PCSK6: variants seen among roughly 807,000 people sequenced by gnomAD.
PCSK6 encodes proprotein convertase subtilisin/kexin type 6.
In PCSK6, 85 loss-of-function variants were observed where a neutral mutation model predicts 123.3. The observed-to-expected ratio is 0.69, with a 90% confidence interval of 0.58 to 0.83. The LOEUF (loss-of-function observed/expected upper bound fraction) is 0.83. Ranked by LOEUF, PCSK6 falls within the 40% of genes least tolerant of loss-of-function variation. The probability of loss-of-function intolerance (pLI) is 0.00; values close to 1 mark genes in which losing one functional copy is unlikely to be tolerated. For missense variants in PCSK6, 1,191 were observed against 1,282.3 expected (o/e 0.93, Z 1.09); for synonymous variants, 508 against 516.0 (o/e 0.98, Z 0.21).
chr15:101,350,065 T>C (rs1450322610), intron 13 of PCSK6, among the ~76,000 whole-genome samples: 2 of 152,032 alleles, frequency 1.3e-5, no homozygotes, highest in Non-Finnish European at 2.9e-5. Context: ...CACGCCACCA[T>C]GCCCGGCTAA....
intron 20 of PCSK6, chr15:101,312,990 G>A: frequency 8.6e-7 from 1 of 1,156,268 alleles, no homozygotes; most frequent in Non-Finnish European, 1.1e-6. Flanking sequence ...GGGCGACAGA[G>A]TGAGAGTGTG....
At chr15:101,375,249 G>A (rs765269610) in intron 11 of PCSK6, among the ~76,000 whole-genome samples, 3 of 152,100 alleles carry the variant, frequency 2.0e-5, no homozygotes, top group Non-Finnish European at 2.9e-5. Context: ...CACGGCGCCC[G>A]GCCAAAATTA....
intron 1 of PCSK6, among the ~76,000 whole-genome samples, chr15:101,474,852 T>C (rs2057691651): frequency 6.6e-6 from 1 of 152,176 alleles, no homozygotes; most frequent in Non-Finnish European, 1.5e-5. Flanking sequence ...CCCGGGTACC[T>C]CAACACCCTC....
At position 101,398,514 on chromosome 15, in the gene PCSK6, G is replaced by C. The variant is rs369811682; in HGVS notation, c.886C>G (p.Pro296Ala). ...VVEAKSLGIR[P>A]NYIDIYSASW... ...GCACTGTAAATGTCGATGTAGTTGGGTCTGATGCCCAGCGACTTTGCCTCG... is the reference window on the plus strand; with the variant it reads ...GCACTGTAAATGTCGATGTAGTTGGCTCTGATGCCCAGCGACTTTGCCTCG... The change falls in exon 7 of 22, where the codon CCC becomes GCC. Residue 296 changes from proline (P) to alanine (A), a missense_variant. Transcript: ENST00000611716. The surrounding 1 kb of genome is among the most constrained non-coding windows in gnomAD (Gnocchi z 4.6). 6.2e-7 allele frequency: 1 copy of C among 1,613,800 alleles called. No individual in the cohort carries two copies. The highest frequency in any genetic ancestry group is 1.3e-5 in the African/African-American group (1 of 74,944).
chr15:101,428,655 G>C (rs1293387925), intron 5 of PCSK6, among the ~76,000 whole-genome samples: 3 of 152,224 alleles, frequency 2.0e-5, no homozygotes, highest in Non-Finnish European at 4.4e-5. Context: ...CCTCCAGCGG[G>C]GGCCAAAATA....
intron 6 of PCSK6, among the ~76,000 whole-genome samples, chr15:101,413,021 G>GAGGAGGAGT (rs2055755785): frequency 6.9e-6 from 1 of 144,644 alleles, no homozygotes; most frequent in Non-Finnish European, 1.5e-5. Flanking sequence ...GGAGGAGGAG[G>GAGGAGGAGT]AGGAGGAGGA....
chr15:101,443,684 C>T lies in PCSK6; in HGVS notation c.298-24G>A, dbSNP rs775375167. The T allele has an allele frequency of 1.2e-5, 19 of 1,543,060 alleles. 1 individual carries two copies. The South Asian group carries it at 2.0e-4, about 16-fold the overall frequency. ...ATCTGCAAGACAAGAAGCAGAATGC[C>T]ATCAATTAATAGTCTCACGAACAGC... is the stretch of plus-strand genomic sequence containing the variant. On this transcript the variant is annotated intron_variant, in intron 1 of 21. Transcript: ENST00000611716.
chr15:101,477,171 T>C (rs967329557), intron 1 of PCSK6, among the ~76,000 whole-genome samples: 5 of 152,208 alleles, frequency 3.3e-5, no homozygotes, highest in African/African-American at 9.7e-5. Flanking sequence ...AGAAGACTTA[T>C]TGACGTGGGA....
chr15:101,413,909 TA>T lies in PCSK6; in HGVS notation c.823+13982del, dbSNP rs897304514. Among the ~76,000 whole-genome samples, 4 of 152,172 alleles carry T rather than the reference TA, an allele frequency of 2.6e-5. No individual in the cohort carries two copies. The South Asian group carries it at 8.3e-4, about 31-fold the overall frequency. On this transcript the variant is annotated intron_variant, in intron 6 of 21. Coordinates refer to ENST00000611716, the MANE Select transcript of PCSK6 (RefSeq NM_002570.5). ...ATTTTTATAAAAGAAAAATAAATTTTAAAAAATGGCCCAAATATATGTTATC... is the reference window on the plus strand; with the variant it reads ...ATTTTTATAAAAGAAAAATAAATTTTAAAAATGGCCCAAATATATGTTATC...
At chr15:101,422,504 T>C (rs905094544) in intron 6 of PCSK6, among the ~76,000 whole-genome samples, 4 of 152,262 alleles carry the variant, frequency 2.6e-5, no homozygotes, top group South Asian at 4.1e-4. Context: ...GTAAAGACCA[T>C]ATGCTAGGGC....
At chr15:101,385,466 C>T (rs1490018396) in intron 9 of PCSK6, among the ~76,000 whole-genome samples, 1 of 152,182 alleles carries the variant, frequency 6.6e-6, no homozygotes, top group East Asian at 1.9e-4. Context: ...AGTGTCATTT[C>T]CAGGTCTAAA....
rs368598539 is a variant in PCSK6, at chr15:101,307,337, T to C, written c.2700-12A>G. ...AGTTCTCGTCACACCTGTGGGAAGATACCGTTCCTGCTGAAGTCTGGGGAA... is the reference window on the plus strand; with the variant it reads ...AGTTCTCGTCACACCTGTGGGAAGACACCGTTCCTGCTGAAGTCTGGGGAA... On this transcript the variant is annotated splice_polypyrimidine_tract_variant and intron_variant, in intron 20 of 21. Coordinates refer to ENST00000611716, the MANE Select transcript of PCSK6 (RefSeq NM_002570.5). 3 of 1,600,276 alleles carry C rather than the reference T, an allele frequency of 1.9e-6. No homozygotes were observed. The highest frequency in any genetic ancestry group is 2.6e-6 in the Non-Finnish European group (3 of 1,170,102).
intron 13 of PCSK6, among the ~76,000 whole-genome samples, chr15:101,364,298 G>A (rs945856460): frequency 6.6e-6 from 1 of 152,180 alleles, no homozygotes; most frequent in Admixed American, 6.5e-5. Context: ...AGCACATTCT[G>A]TAAACGTTAC....
Position 101,438,219 on chromosome 15 carries a change from C to T in PCSK6, c.402+5337G>A, listed in dbSNP as rs1026156584. Among the ~76,000 whole-genome samples the T allele has an allele frequency of 4.6e-5, 7 of 152,236 alleles. No homozygotes were observed. The East Asian group carries it at 9.6e-4, about 21-fold the overall frequency. On this transcript the variant is annotated intron_variant, in intron 2 of 21. Transcript: ENST00000611716. ...AACTATGAGGTCCAACACTGCTCAA[C>T]GTGTCTGACATGCAGTCACTGTCTG... is the stretch of plus-strand genomic sequence containing the variant.
chr15:101,370,618 C>T (rs2041554482), intron 11 of PCSK6, 95 bp from the exon 12 acceptor site: 2 of 1,202,760 alleles, frequency 1.7e-6, no homozygotes, highest in Non-Finnish European at 2.2e-6. Flanking sequence ...TCTATCCCCA[C>T]TGCAGCCTCA....
intron 13 of PCSK6, among the ~76,000 whole-genome samples, chr15:101,334,898 A>G (rs2040443331): frequency 6.6e-6 from 1 of 152,196 alleles, no homozygotes; most frequent in Non-Finnish European, 1.5e-5. Flanking sequence ...GCTGGACTGG[A>G]ATGGAAGAGA....
intron 9 of PCSK6, among the ~76,000 whole-genome samples, chr15:101,387,826 CTA>C (rs2042111817): frequency 2.3e-5 from 1 of 43,286 alleles, no homozygotes; most frequent in South Asian, 7.0e-4. Context: ...CAGGCGAGAG[CTA>C]TCCCAGGCTA....
chr15:101,397,745 C>G (rs919669592), intron 7 of PCSK6, among the ~76,000 whole-genome samples: 2 of 152,272 alleles, frequency 1.3e-5, no homozygotes, highest in African/African-American at 2.4e-5. Context: ...ACCTCCTCCC[C>G]CTTCCTCAGC....
chr15:101,335,407 G>C (rs1488614462), intron 13 of PCSK6, among the ~76,000 whole-genome samples: 5 of 152,198 alleles, frequency 3.3e-5, no homozygotes, highest in African/African-American at 1.2e-4. Flanking sequence ...TCGGGGTTTT[G>C]ATTTTTGTCT....
Sources: allele counts gnomAD v4.1 joint callset (sites outside exome capture counted in the v4.1 genomes callset), GRCh38; gene constraint gnomAD v4.1.1; non-coding constraint Gnocchi (gnomAD v3.1); transcripts MANE v1.5; gene names NCBI Gene and HGNC (gene_info 2026-07-23, HGNC 2026-07-21).